The following SLC35F4 variants were observed in gnomAD, a reference collection of about 807,000 sequenced individuals.
SLC35F4 encodes solute carrier family 35 member F4, also known as chromosome 14 open reading frame 36.
A neutral mutation model predicts 44.2 loss-of-function variants in SLC35F4; 24 were observed. That is an observed-to-expected ratio of 0.54 (90% CI 0.39 to 0.76). The LOEUF is 0.76. SLC35F4 is among the 30% of genes least tolerant of loss of function. The pLI, the probability that SLC35F4 is intolerant of heterozygous loss-of-function variation, is 0.00. For missense variants in SLC35F4, 562 were observed against 586.1 expected, an observed-to-expected ratio of 0.96 and a Z score of 0.42; for synonymous variants, 238 against 223.6, an observed-to-expected ratio of 1.06 and a Z score of -0.57.
chr14:57,761,689 C>A (rs2077128374), intron 1 of SLC35F4, among the ~76,000 whole-genome samples: 1 of 152,086 alleles, frequency 6.6e-6, no homozygotes, highest in Non-Finnish European at 1.5e-5. Context: ...ACTATCAGCG[C>A]ATATTCTTAA....
At chr14:57,791,921 G>A (rs756913415) in intron 1 of SLC35F4, among the ~76,000 whole-genome samples, 12 of 150,760 alleles carry the variant, frequency 8.0e-5, no homozygotes, top group East Asian at 2.0e-4. Flanking sequence ...CAATGAGAAC[G>A]TATGGGTACA....
chr14:57,616,697 TA>T, intron 1 of SLC35F4, among the ~76,000 whole-genome samples: 1 of 152,196 alleles, frequency 6.6e-6, no homozygotes, highest in East Asian at 1.9e-4. Flanking sequence ...TTTTTCTGTC[TA>T]TTCCCTTTAC....
At chr14:57,791,584 G>A (rs940674229) in intron 1 of SLC35F4, among the ~76,000 whole-genome samples, 20 of 152,116 alleles carry the variant, frequency 1.3e-4, no homozygotes, top group Admixed American at 4.6e-4. Flanking sequence ...ATTCCTCAAG[G>A]ATCTAGAACT....
At chr14:57,945,254 A>T (rs1250102551) in intron 1 of SLC35F4, among the ~76,000 whole-genome samples, 1 of 152,018 alleles carries the variant, frequency 6.6e-6, no homozygotes, top group Admixed American at 6.5e-5. Flanking sequence ...CAGACAATGG[A>T]TTTGTGAATT....
At chr14:57,665,506 C>T (rs1264753435) in intron 1 of SLC35F4, among the ~76,000 whole-genome samples, 1 of 152,150 alleles carries the variant, frequency 6.6e-6, no homozygotes, top group African/African-American at 2.4e-5. Context: ...GTCACCCAGA[C>T]AGGAAGTGGC....
chr14:57,704,120 T>C (rs970701455), intron 1 of SLC35F4, among the ~76,000 whole-genome samples: 10 of 152,234 alleles, frequency 6.6e-5, no homozygotes, highest in Admixed American at 1.3e-4. Flanking sequence ...AACTATTTTA[T>C]TTTGGTGTGA....
At chr14:57,877,056 T>C (rs1888413563) in intron 1 of SLC35F4, among the ~76,000 whole-genome samples, 1 of 152,042 alleles carries the variant, frequency 6.6e-6, no homozygotes, top group Non-Finnish European at 1.5e-5. Flanking sequence ...GTTTGTTACG[T>C]GGGTAAACTG....
intron 1 of SLC35F4, among the ~76,000 whole-genome samples, chr14:57,747,225 A>T (rs2076778720): frequency 6.6e-6 from 1 of 152,190 alleles, no homozygotes; most frequent in Admixed American, 6.5e-5. Context: ...CGAGTCATAA[A>T]GTTGAGAGCC....
intron 1 of SLC35F4, among the ~76,000 whole-genome samples, chr14:57,724,385 A>G (rs1288856477): frequency 6.6e-6 from 1 of 152,126 alleles, no homozygotes; most frequent in Non-Finnish European, 1.5e-5. Context: ...CTTTTGAGAG[A>G]CAGCTGTTGG....
chr14:57,566,267 AC>A (rs1213703932), intron 7 of SLC35F4, among the ~76,000 whole-genome samples: 1 of 152,210 alleles, frequency 6.6e-6, no homozygotes, highest in African/African-American at 2.4e-5. Context: ...TAAAAGCACA[AC>A]CAAGTAAAAA....
At chr14:57,914,609 C>T (rs1889281586) in intron 1 of SLC35F4, among the ~76,000 whole-genome samples, 2 of 152,100 alleles carry the variant, frequency 1.3e-5, no homozygotes, top group Admixed American at 1.3e-4. Flanking sequence ...CTAACCCACT[C>T]CAGCAATAAT....
At chr14:57,568,922 C>T (rs1481167394) in intron 6 of SLC35F4, among the ~76,000 whole-genome samples, 1 of 152,056 alleles carries the variant, frequency 6.6e-6, no homozygotes, top group Admixed American at 6.6e-5. Flanking sequence ...TGGGTTGTTG[C>T]TGTTTTTTAA....
intron 1 of SLC35F4, among the ~76,000 whole-genome samples, chr14:57,890,254 C>A (rs976388901): frequency 3.9e-5 from 6 of 152,174 alleles, no homozygotes; most frequent in African/African-American, 1.2e-4. Context: ...TGGAGACAAA[C>A]AAGATCAGGT....
chr14:57,909,190 C>G (rs1322032327), intron 1 of SLC35F4, among the ~76,000 whole-genome samples: 1 of 152,046 alleles, frequency 6.6e-6, no homozygotes, highest in African/African-American at 2.4e-5. Context: ...TCCTGCACAC[C>G]ATCTGTTTTT....
intron 4 of SLC35F4, among the ~76,000 whole-genome samples, chr14:57,575,735 C>G (rs926252115): frequency 1.3e-5 from 2 of 152,198 alleles, no homozygotes; most frequent in African/African-American, 4.8e-5. Flanking sequence ...CTATCTTCCT[C>G]TGCAGGCTGG....
rs550974542 is a variant in SLC35F4, at chr14:57,849,544, T to G, written c.103+16179A>C. On this transcript the variant is annotated intron_variant, in intron 1 of 7. Coordinates refer to ENST00000556826, the MANE Select transcript of SLC35F4 (RefSeq NM_001306087.2). ...AAGAAAACTTTGTAAAATATAGTAT[T>G]AATATCCTTAAGGAGATAAGAGAAG... Among the ~76,000 whole-genome samples the G allele has an allele frequency of 3.0e-4, 46 of 152,212 alleles. No homozygotes were observed. The South Asian group carries it at 8.5e-3, about 28-fold the overall frequency.
intron 1 of SLC35F4, among the ~76,000 whole-genome samples, chr14:57,802,721 T>C (rs1384717787): frequency 6.6e-6 from 1 of 151,650 alleles, no homozygotes; most frequent in African/African-American, 2.4e-5. Flanking sequence ...CCAAAAGAAA[T>C]AGGTAAATTC....
At chr14:57,726,638 AG>A (rs2140455540) in intron 1 of SLC35F4, among the ~76,000 whole-genome samples, 1 of 152,290 alleles carries the variant, frequency 6.6e-6, no homozygotes, top group Non-Finnish European at 1.5e-5. Context: ...ATATTATTTT[AG>A]GTGTGATTGT....
chr14:57,571,771 C>T, intron 5 of SLC35F4, 123 bp downstream of exon 5: 2 of 1,333,334 alleles, frequency 1.5e-6, no homozygotes, highest in South Asian at 1.6e-5. Context: ...AGTTAATTTA[C>T]TTACTATTAT....
Sources: allele counts gnomAD v4.1 joint callset (sites outside exome capture counted in the v4.1 genomes callset), GRCh38; gene constraint gnomAD v4.1.1; transcripts MANE v1.5; gene names NCBI Gene and HGNC (gene_info 2026-07-23, HGNC 2026-07-21).